The following HACD2 variants were observed in gnomAD, a reference collection of about 807,000 sequenced individuals.
HACD2 encodes the protein very-long-chain (3R)-3-hydroxyacyl-CoA dehydratase 2.
In HACD2, 15 loss-of-function variants were observed where a neutral mutation model predicts 31.0. That is an observed-to-expected ratio of 0.48 (90% CI 0.32 to 0.75). The LOEUF (loss-of-function observed/expected upper bound fraction) is 0.75, where lower values mean the gene tolerates loss of function less well. Among genes scored for constraint, HACD2 ranks in the 30% least tolerant of loss-of-function variants. HACD2 has a pLI of 0.03. For synonymous variants in HACD2, 115 were observed against 122.2 expected (o/e 0.94, Z 0.39); for missense variants, 283 against 313.0 (o/e 0.90, Z 0.72).
chr3:123,584,943 G>T lies in HACD2; in HGVS notation c.85C>A (p.Arg29=). The change falls in exon 1 of 7, where the codon CGG becomes AGG. Residue 29 remains arginine (R), a synonymous_variant. Coordinates refer to ENST00000383657, the MANE Select transcript of HACD2 (RefSeq NM_198402.5). ...AGGGGCCCCGGGCCCTTCTTCTTCC[G>T]CGTGCCGCTGGCGTCCCCGGCCCCG... The part of the protein sequence containing the change: ...RAGAGDASGT[R]KKKGPGPLAT... 6.5e-7 allele frequency: 1 copy of T among 1,528,572 alleles called. No homozygotes were observed. Among genetic ancestry groups the T allele is most frequent in the East Asian group, 2.7e-5 (1 of 37,262 alleles). 94.7% of individuals were successfully genotyped at this position (1,528,572 alleles called of 1,614,324 possible). A position where few individuals can be genotyped will look rare whatever the true frequency, so the allele number is the denominator to read the frequency against.
intron 4 of HACD2, among the ~76,000 whole-genome samples, chr3:123,521,572 C>T (rs995781851): frequency 6.7e-6 from 1 of 149,054 alleles, no homozygotes; most frequent in African/African-American, 2.5e-5. Flanking sequence ...TGGTGTATAT[C>T]AGATTTTAGC....
chr3:123,516,855 G>C (rs1433703872), intron 4 of HACD2, among the ~76,000 whole-genome samples: 1 of 152,174 alleles, frequency 6.6e-6, no homozygotes, highest in Non-Finnish European at 1.5e-5. Context: ...CATGAAGAAA[G>C]GATGGTCGGT....
chr3:123,523,388 T>C (rs1212043610), intron 4 of HACD2, among the ~76,000 whole-genome samples: 2 of 152,232 alleles, frequency 1.3e-5, no homozygotes, highest in East Asian at 3.9e-4. Flanking sequence ...CTGGAGACCT[T>C]GAGTTCTCTC....
At chr3:123,552,953 T>C (rs1029144975) in intron 3 of HACD2, among the ~76,000 whole-genome samples, 5 of 152,096 alleles carry the variant, frequency 3.3e-5, no homozygotes, top group African/African-American at 9.7e-5. Flanking sequence ...AGTAAAGCAG[T>C]TGAAAGGGAA....
At chr3:123,582,170 T>C (rs758799689) in intron 2 of HACD2, 42 bp downstream of exon 2, 1 of 1,303,158 alleles carries the variant, frequency 7.7e-7, no homozygotes, top group Middle Eastern at 1.9e-4. Context: ...TTTTTCTTCA[T>C]ACCAATGGAA....
chr3:123,567,979 T>C (rs2056810545), intron 2 of HACD2, among the ~76,000 whole-genome samples, 199 bp from the exon 3 acceptor site: 1 of 152,262 alleles, frequency 6.6e-6, no homozygotes, highest in South Asian at 2.1e-4. Flanking sequence ...TTTGTTTGTT[T>C]GTTCATTTTT....
chr3:123,559,974 T>C (rs1441498014), intron 3 of HACD2, among the ~76,000 whole-genome samples: 1 of 152,210 alleles, frequency 6.6e-6, no homozygotes, highest in Admixed American at 6.5e-5. Flanking sequence ...GCATGCTCTA[T>C]TTCTCTCTTC....
At chr3:123,541,783 A>G (rs2056493460) in intron 3 of HACD2, among the ~76,000 whole-genome samples, 1 of 152,220 alleles carries the variant, frequency 6.6e-6, no homozygotes, top group Admixed American at 6.5e-5. Context: ...TGGTCTTTAT[A>G]TAACTAGGAC....
intron 3 of HACD2, among the ~76,000 whole-genome samples, chr3:123,546,627 A>G (rs996640039): frequency 1.3e-5 from 2 of 152,242 alleles, no homozygotes; most frequent in African/African-American, 4.8e-5. Flanking sequence ...AGGATAGTAG[A>G]GCAGAAAGAC....
intron 4 of HACD2, among the ~76,000 whole-genome samples, chr3:123,505,563 C>G (rs1248639113): frequency 6.6e-6 from 1 of 152,192 alleles, no homozygotes; most frequent in Non-Finnish European, 1.5e-5. Context: ...ATCAAGAGAT[C>G]TGGAGTTTTT....
chr3:123,539,292 C>T (rs2056460490), intron 3 of HACD2, among the ~76,000 whole-genome samples: 1 of 152,150 alleles, frequency 6.6e-6, no homozygotes, highest in South Asian at 2.1e-4. Context: ...CATATGGGGC[C>T]GGCTTGGTGA....
intron 3 of HACD2, among the ~76,000 whole-genome samples, chr3:123,542,551 C>T (rs1002805107): frequency 1.3e-5 from 2 of 152,190 alleles, no homozygotes; most frequent in Non-Finnish European, 2.9e-5. Context: ...AACGCATAAG[C>T]CAAAGACTAA....
intron 3 of HACD2, among the ~76,000 whole-genome samples, chr3:123,565,769 T>A (rs1307921880): frequency 6.6e-6 from 1 of 152,164 alleles, no homozygotes; most frequent in Non-Finnish European, 1.5e-5. Context: ...TCCAGAACTC[T>A]CTCTGGCCAA....
In HACD2 at chr3:123,528,394, C is replaced by T. The variant is rs202187144; in HGVS notation, c.373G>A (p.Val125Ile). ...VFLIWAVTHSVKEVQSEDSVL... is the reference protein window; with the variant it reads ...VFLIWAVTHSIKEVQSEDSVL... ...TCTATATAAACACTTACCTCTTTGA[C>T]GCTATGTGTTACTGCCCATATTAGA... Residue 125 changes from valine (V) to isoleucine (I), a missense_variant, in exon 4 of 7, where the codon GTC (valine) becomes ATC (isoleucine). Physicochemically the swap from Val to Ile is conservative, Grantham distance 29 (BLOSUM62 3). Coordinates refer to ENST00000383657, the MANE Select transcript of HACD2 (RefSeq NM_198402.5). The T allele has an allele frequency of 1.4e-4, 223 of 1,598,506 alleles. 1 individual carries two copies. In the Middle Eastern group the frequency reaches 5.1e-3, roughly 37 times the overall value.
At chr3:123,511,065 T>G (rs765269040) in intron 4 of HACD2, among the ~76,000 whole-genome samples, 1 of 152,168 alleles carries the variant, frequency 6.6e-6, no homozygotes, top group Non-Finnish European at 1.5e-5. Flanking sequence ...TTTCACGTGC[T>G]TATTGGCTGT....
rs901184249 is a variant in HACD2 at position 123,493,566 on chromosome 3, A to C, written c.*1322T>G. 4.6e-5 allele frequency: 7 copies of C among 152,246 alleles called. No individual in the cohort carries two copies. Among genetic ancestry groups the C allele is most frequent in the African/African-American group, 1.7e-4 (7 of 41,478 alleles). The allele number at this position is 152,246 out of a possible 1,614,324, so 9.4% of individuals were successfully genotyped here. ...CTGTGCTATTTAATACTTAATGCACATCTAAACTTGGGCTTTCACATTTTC... is the reference window on the plus strand; with the variant it reads ...CTGTGCTATTTAATACTTAATGCACCTCTAAACTTGGGCTTTCACATTTTC... On this transcript the variant is annotated 3_prime_UTR_variant, in exon 7 of 7. Transcript: ENST00000383657.
At position 123,548,924 on chromosome 3, in the gene HACD2, C is replaced by G. The variant is rs186129534; in HGVS notation, c.292+18838G>C. Among the ~76,000 whole-genome samples, 27 of 151,150 alleles carry G rather than the reference C, an allele frequency of 1.8e-4. No individual in the cohort carries two copies. In the East Asian group the frequency reaches 4.8e-3, roughly 27 times the overall value. ...GCAGGCATGAGCTACTGTGCCCAGC[C>G]CAAGATTTTCAATATCAAATCATAT... is the stretch of plus-strand genomic sequence containing the variant. On this transcript the variant is annotated intron_variant, in intron 3 of 6. Transcript: ENST00000383657.
At chr3:123,564,596 G>T (rs540322547) in intron 3 of HACD2, among the ~76,000 whole-genome samples, 3 of 152,232 alleles carry the variant, frequency 2.0e-5, no homozygotes, top group South Asian at 4.1e-4. Context: ...GTGATTTTTT[G>T]TAGAACAAGG....
chr3:123,534,319 C>CGA (rs2056400050), intron 3 of HACD2, among the ~76,000 whole-genome samples: 2 of 151,912 alleles, frequency 1.3e-5, no homozygotes, highest in Non-Finnish European at 2.9e-5. Flanking sequence ...GATGATGGTC[C>CGA]CATAAGACTA....
Sources: allele counts gnomAD v4.1 joint callset (sites outside exome capture counted in the v4.1 genomes callset), GRCh38; gene constraint gnomAD v4.1.1; transcripts MANE v1.5; gene names NCBI Gene and HGNC (gene_info 2026-07-23, HGNC 2026-07-21).